Variants in CAMK2A observed in about 807,000 individuals in gnomAD.
The protein encoded by CAMK2A is calcium/calmodulin dependent protein kinase II alpha.
Under a neutral mutation model 79.2 loss-of-function variants are expected in CAMK2A, and 7 were observed. That is an observed-to-expected ratio of 0.09 (90% CI 0.05 to 0.17). The LOEUF (loss-of-function observed/expected upper bound fraction) is 0.17. CAMK2A is among the 10% of genes least tolerant of loss of function. CAMK2A has a pLI of 1.00. For missense variants in CAMK2A, 214 were observed against 646.4 expected (o/e 0.33, Z 7.25); for synonymous variants, 242 against 251.7 (o/e 0.96, Z 0.36).
At chr5:150,232,634 G>A (rs908914730) in intron 15 of CAMK2A, among the ~76,000 whole-genome samples, 1 of 152,220 alleles carries the variant, frequency 6.6e-6, no homozygotes, top group African/African-American at 2.4e-5. Context: ...CACTGGAGTT[G>A]TCTCAGGTGA....
At chr5:150,278,960 G>T (rs1445466795) in intron 1 of CAMK2A, among the ~76,000 whole-genome samples, 1 of 152,160 alleles carries the variant, frequency 6.6e-6, no homozygotes, top group Non-Finnish European at 1.5e-5. Flanking sequence ...GGCAGACACC[G>T]GAGGAACCAA....
At chr5:150,233,685 A>AGG (rs1474295435) in intron 15 of CAMK2A, among the ~76,000 whole-genome samples, 6 of 152,308 alleles carry the variant, frequency 3.9e-5, no homozygotes, top group South Asian at 4.1e-4. Context: ...CACTGTCCCT[A>AGG]GGAGACCCAG....
intron 3 of CAMK2A, among the ~76,000 whole-genome samples, chr5:150,263,504 TAC>T (rs1207952995): frequency 6.8e-6 from 1 of 148,016 alleles, no homozygotes; most frequent in Non-Finnish European, 1.5e-5. Context: ...CACACTCACA[TAC>T]ACACATTCAC....
intron 1 of CAMK2A, among the ~76,000 whole-genome samples, chr5:150,276,488 T>A (rs1235998467): frequency 6.6e-6 from 1 of 152,108 alleles, no homozygotes; most frequent in Non-Finnish European, 1.5e-5. Flanking sequence ...GGAACAGTCA[T>A]CTAAGGAAGG....
At chr5:150,252,546 G>C (rs950180496) in intron 7 of CAMK2A, among the ~76,000 whole-genome samples, 4 of 152,176 alleles carry the variant, frequency 2.6e-5, no homozygotes, top group African/African-American at 9.7e-5. Context: ...TTTGCCCCTT[G>C]GGTACGTCTC....
chr5:150,277,361 C>CG (rs1262790332), intron 1 of CAMK2A, among the ~76,000 whole-genome samples: 2 of 152,206 alleles, frequency 1.3e-5, no homozygotes, highest in Non-Finnish European at 2.9e-5. Context: ...CAACGCCTTC[C>CG]GGGGAAGTCC....
chr5:150,251,939 G>A (rs779077225), intron 8 of CAMK2A, 43 bp downstream of exon 8: 21 of 1,586,758 alleles, frequency 1.3e-5, no homozygotes, highest in East Asian at 2.2e-5. Flanking sequence ...CCCAGAGGCC[G>A]GGGTGCAGCC....
chr5:150,285,332 G>T (rs1193279349), intron 1 of CAMK2A, among the ~76,000 whole-genome samples: 1 of 152,138 alleles, frequency 6.6e-6, no homozygotes, highest in African/African-American at 2.4e-5. Context: ...AAGCCTTGCC[G>T]GCCCCAAAGT....
chr5:150,221,562 CCCT>C lies in CAMK2A; in HGVS notation c.*1145_*1147del, dbSNP rs1167268544. On this transcript the variant is annotated 3_prime_UTR_variant, in exon 19 of 19. Coordinates refer to ENST00000671881, the MANE Select transcript of CAMK2A (RefSeq NM_015981.4). ...CCAGGTATTTCCATCCTGACAGCCT[CCCT>C]CCTCCTCTCTGCCCTGACTTGCTGT... 2 of 398,580 alleles carry C rather than the reference CCCT, an allele frequency of 5.0e-6. No individual in the cohort carries two copies. Among genetic ancestry groups the C allele is most frequent in the Non-Finnish European group, 8.8e-6 (2 of 226,082 alleles). The allele number at this position is 398,580 out of a possible 1,614,324, so 24.7% of individuals were successfully genotyped here. A position where few individuals can be genotyped will look rare whatever the true frequency, so the allele number is the denominator to read the frequency against.
chr5:150,219,870 T>TTTATTATTATTA lies in CAMK2A; in HGVS notation c.*2828_*2839dup, dbSNP rs147490193. ...TTGGGTTTGGATTTTTATTTATTTA[T>TTTATTATTATTA]TTATTATTATTATTATTATTATTTT... On this transcript the variant is annotated 3_prime_UTR_variant, in exon 19 of 19. Coordinates refer to ENST00000671881, the MANE Select transcript of CAMK2A (RefSeq NM_015981.4). 7.9e-5 allele frequency: 11 copies of TTTATTATTATTA among 138,870 alleles called. No homozygotes were observed. The highest frequency in any genetic ancestry group is 6.7e-4 in the South Asian group (3 of 4,506). The allele number at this position is 138,870 out of a possible 1,614,324, so 8.6% of individuals were successfully genotyped here. A position where few individuals can be genotyped will look rare whatever the true frequency, so the allele number is the denominator to read the frequency against.
At chr5:150,270,056 C>A (rs1756679536) in intron 2 of CAMK2A, among the ~76,000 whole-genome samples, 1 of 152,260 alleles carries the variant, frequency 6.6e-6, no homozygotes, top group South Asian at 2.1e-4. Flanking sequence ...CAGCCTCATG[C>A]ATGTGCCCAA....
Position 150,222,203 on chromosome 5 carries a change from G to A in CAMK2A, c.*507C>T. The stretch of plus-strand genomic sequence containing the variant: ...AGCACTTTGAGGCAGGAGGCTCCTG[G>A]CGTATGCTCTTCTCCCCACTCCTTC... On this transcript the variant is annotated 3_prime_UTR_variant, in exon 19 of 19. Transcript: ENST00000671881. 2.4e-6 allele frequency: 1 copy of A among 423,248 alleles called. No homozygotes were observed. The highest frequency in any genetic ancestry group is 4.4e-6 in the Non-Finnish European group (1 of 227,976). 26.2% of individuals were successfully genotyped at this position (423,248 alleles called of 1,614,324 possible). A position where few individuals can be genotyped will look rare whatever the true frequency, so the allele number is the denominator to read the frequency against.
At chr5:150,279,128 G>A (rs1223663102) in intron 1 of CAMK2A, among the ~76,000 whole-genome samples, 1 of 152,166 alleles carries the variant, frequency 6.6e-6, no homozygotes, top group Non-Finnish European at 1.5e-5. Flanking sequence ...CCATTCAACA[G>A]AACTTCCTGT....
At position 150,284,980 on chromosome 5, in the gene CAMK2A, C is replaced by T. The variant is rs1265005885; in HGVS notation, c.62+4584G>A. 2.6e-5 allele frequency among the ~76,000 whole-genome samples: 4 copies of T among 152,152 alleles called. No individual in the cohort carries two copies. Among genetic ancestry groups the T allele is most frequent in the African/African-American group, 4.8e-5 (2 of 41,406 alleles). On this transcript the variant is annotated intron_variant, in intron 1 of 18. Coordinates refer to ENST00000671881, the MANE Select transcript of CAMK2A (RefSeq NM_015981.4). This position sits in a 1 kb window ranked among gnomAD's most constrained non-coding sequence, Gnocchi z 5.3. ...CAGAGGTATTATGATCCCCATTTTA[C>T]AGATGGTAAAGCCGAGGCACACAAA...
At chr5:150,225,205 G>A (rs2114015524) in intron 17 of CAMK2A, among the ~76,000 whole-genome samples, 1 of 152,258 alleles carries the variant, frequency 6.6e-6, no homozygotes, top group African/African-American at 2.4e-5. Context: ...ATTGCTGGGG[G>A]CACTGGGCCT....
At position 150,253,429 on chromosome 5, in the gene CAMK2A, G is replaced by A; in HGVS notation, c.514+15C>T. The A allele has an allele frequency of 6.3e-7, 1 of 1,599,666 alleles. No individual in the cohort carries two copies. Among genetic ancestry groups the A allele is most frequent in the Non-Finnish European group, 8.6e-7 (1 of 1,166,966 alleles). On this transcript the variant is annotated intron_variant, in intron 7 of 18. Transcript: ENST00000671881. Reference sequence around the variant, plus strand: ...GTGCTGACCCCCAACACTTCTGCCAGCCCACCCCACTTACCAAACCATGCC... The same window carrying A: ...GTGCTGACCCCCAACACTTCTGCCAACCCACCCCACTTACCAAACCATGCC...
rs576938557 is a variant in CAMK2A at position 150,225,629 on chromosome 5, C to T, written c.1238-2412G>A. Among the ~76,000 whole-genome samples, 5 of 152,284 alleles carry T rather than the reference C, an allele frequency of 3.3e-5. No homozygotes were observed. In the South Asian group the frequency reaches 1.0e-3, roughly 32 times the overall value. ...TAAGTTCACACTGGGGGACCAGTGC[C>T]CCCAGAGGACAGACTGTAAGATGGT... On this transcript the variant is annotated intron_variant, in intron 17 of 18. Transcript: ENST00000671881.
At chr5:150,274,861 C>T (rs1756886083) in intron 1 of CAMK2A, among the ~76,000 whole-genome samples, 2 of 152,238 alleles carry the variant, frequency 1.3e-5, no homozygotes, top group African/African-American at 4.8e-5. Flanking sequence ...TTTGACATGG[C>T]TGCACCCATC....
intron 15 of CAMK2A, among the ~76,000 whole-genome samples, chr5:150,234,895 T>G (rs549613559): frequency 6.6e-6 from 1 of 152,346 alleles, no homozygotes; most frequent in East Asian, 1.9e-4. Context: ...TTGTCTTCTT[T>G]CTGCCTTCTG....
Sources: allele counts gnomAD v4.1 joint callset (sites outside exome capture counted in the v4.1 genomes callset), GRCh38; gene constraint gnomAD v4.1.1; non-coding constraint Gnocchi (gnomAD v3.1); transcripts MANE v1.5; gene names NCBI Gene and HGNC (gene_info 2026-07-23, HGNC 2026-07-21).